Variants in PTPRD observed in about 807,000 individuals in gnomAD.
The protein encoded by PTPRD is receptor-type tyrosine-protein phosphatase delta.
PTPRD carries 34 observed loss-of-function variants against 214.5 expected under a neutral mutation model. That is an observed-to-expected ratio of 0.16 (90% CI 0.12 to 0.21). The LOEUF (loss-of-function observed/expected upper bound fraction) is 0.21. PTPRD is among the 10% of genes least tolerant of loss of function. PTPRD has a pLI of 1.00. For missense variants in PTPRD, 2,545 were observed against 2,398.7 expected (o/e 1.06, Z -1.27); for synonymous variants, 1,128 against 845.7 (o/e 1.33, Z -5.79).
chr9:9,898,275 T>G (rs2075544458), intron 5 of PTPRD, among the ~76,000 whole-genome samples: 1 of 152,086 alleles, frequency 6.6e-6, no homozygotes, highest in African/African-American at 2.4e-5. Context: ...CATTTCATTT[T>G]GGGACTGGAG....
At chr9:9,883,374 A>G (rs1217967881) in intron 5 of PTPRD, among the ~76,000 whole-genome samples, 1 of 152,192 alleles carries the variant, frequency 6.6e-6, no homozygotes, top group Non-Finnish European at 1.5e-5. Flanking sequence ...CTGTAGGGAA[A>G]AGAAAAACAA....
intron 14 of PTPRD, among the ~76,000 whole-genome samples, chr9:8,577,760 C>G (rs545940944): frequency 6.6e-6 from 1 of 152,284 alleles, no homozygotes; most frequent in South Asian, 2.1e-4. Context: ...AGAGCAGCAG[C>G]CTCTGCATCA....
At chr9:10,205,697 G>A (rs1169794822) in intron 3 of PTPRD, among the ~76,000 whole-genome samples, 1 of 152,082 alleles carries the variant, frequency 6.6e-6, no homozygotes, top group East Asian at 1.9e-4. Flanking sequence ...GAGCCACCAT[G>A]CCCGGCCTGC....
At chr9:9,637,716 C>T (rs1593774662) in intron 7 of PTPRD, among the ~76,000 whole-genome samples, 2 of 152,184 alleles carry the variant, frequency 1.3e-5, no homozygotes, top group African/African-American at 2.4e-5. Flanking sequence ...TGGAATGGCC[C>T]TGCTCCCATG....
intron 11 of PTPRD, among the ~76,000 whole-genome samples, chr9:8,774,757 C>T (rs2095400421): frequency 6.6e-6 from 1 of 152,024 alleles, no homozygotes; most frequent in South Asian, 2.1e-4. Flanking sequence ...TGGCCTCAAA[C>T]TCCCAACCTC....
intron 6 of PTPRD, among the ~76,000 whole-genome samples, chr9:9,738,510 C>A (rs1463666841): frequency 8.1e-6 from 1 of 123,946 alleles, no homozygotes; most frequent in Non-Finnish European, 1.6e-5. Context: ...TCAGTGCGAT[C>A]TTGGCTCACT....
chr9:10,239,917 A>G lies in PTPRD; in HGVS notation c.-545+101046T>C, dbSNP rs1218556549. ...ACCCTTTTTCCCCAAAGCCAGCTGT[A>G]AAACCTAAAAATATTACTCTAACCT... is the stretch of plus-strand genomic sequence containing the variant. On this transcript the variant is annotated intron_variant, in intron 3 of 45. Coordinates refer to ENST00000381196, the MANE Select transcript of PTPRD (RefSeq NM_002839.4). 2.0e-5 allele frequency among the ~76,000 whole-genome samples: 3 copies of G among 151,764 alleles called. No individual in the cohort carries two copies. The Admixed American group carries it at 2.0e-4, about 10-fold the overall frequency.
chr9:10,573,684 TC>T (rs1303168930), intron 2 of PTPRD, among the ~76,000 whole-genome samples: 1 of 152,114 alleles, frequency 6.6e-6, no homozygotes, highest in African/African-American at 2.4e-5. Flanking sequence ...CTGGACTCTT[TC>T]CTGGCCCCTA....
chr9:10,563,256 G>A (rs1019856787), intron 2 of PTPRD, among the ~76,000 whole-genome samples: 1 of 152,104 alleles, frequency 6.6e-6, no homozygotes, highest in Non-Finnish European at 1.5e-5. Context: ...AAATCCAGCT[G>A]GCAGAAAGGA....
chr9:10,187,130 A>G (rs2099337318), intron 3 of PTPRD, among the ~76,000 whole-genome samples: 1 of 152,190 alleles, frequency 6.6e-6, no homozygotes, highest in South Asian at 2.1e-4. Context: ...CTCTTTTAAA[A>G]ACTTCTTAAT....
intron 8 of PTPRD, among the ~76,000 whole-genome samples, chr9:9,562,723 G>A (rs991443554): frequency 2.6e-5 from 4 of 151,980 alleles, no homozygotes; most frequent in African/African-American, 9.7e-5. Flanking sequence ...TGTTGTTTTG[G>A]ATAATTCAAC....
chr9:8,978,611 T>C (rs541130347), intron 11 of PTPRD, among the ~76,000 whole-genome samples: 1 of 152,246 alleles, frequency 6.6e-6, no homozygotes, highest in South Asian at 2.1e-4. Flanking sequence ...GTTTCGTGGA[T>C]GCAGCATAAG....
chr9:10,088,497 A>G (rs955140672), intron 3 of PTPRD, among the ~76,000 whole-genome samples: 2 of 151,728 alleles, frequency 1.3e-5, no homozygotes, highest in African/African-American at 2.4e-5. Flanking sequence ...ATAAAGATGA[A>G]GAAAGGCAGA....
At chr9:10,421,847 A>G (rs2098548761) in intron 2 of PTPRD, among the ~76,000 whole-genome samples, 2 of 151,728 alleles carry the variant, frequency 1.3e-5, no homozygotes, top group South Asian at 4.2e-4. Flanking sequence ...TGCTTTGGTT[A>G]ATTTTATTCA....
chr9:10,110,332 A>C (rs2098679461), intron 3 of PTPRD, among the ~76,000 whole-genome samples: 1 of 152,190 alleles, frequency 6.6e-6, no homozygotes, highest in South Asian at 2.1e-4. Context: ...TTCTGTAGGA[A>C]GAGAAAACTG....
intron 3 of PTPRD, among the ~76,000 whole-genome samples, chr9:10,129,103 G>C (rs747190717): frequency 2.0e-5 from 3 of 152,132 alleles, no homozygotes; most frequent in East Asian, 3.9e-4. Flanking sequence ...TTCAACTCCT[G>C]ATATGAATTA....
At chr9:9,670,067 A>T (rs570680796) in intron 7 of PTPRD, among the ~76,000 whole-genome samples, 1 of 152,332 alleles carries the variant, frequency 6.6e-6, no homozygotes, top group South Asian at 2.1e-4. Flanking sequence ...AATTGGAGTA[A>T]TATTTGGCAG....
At chr9:9,227,172 A>C (rs2099960024) in intron 9 of PTPRD, among the ~76,000 whole-genome samples, 1 of 152,220 alleles carries the variant, frequency 6.6e-6, no homozygotes, top group African/African-American at 2.4e-5. Flanking sequence ...CCATCCCCGA[A>C]GTACAATCAC....
chr9:9,025,873 A>G (rs1045904644), intron 10 of PTPRD, among the ~76,000 whole-genome samples: 4 of 152,058 alleles, frequency 2.6e-5, no homozygotes, highest in Admixed American at 2.6e-4. Flanking sequence ...TTACCTCATC[A>G]TTTATTTATT....
Sources: gnomAD v4.1 joint callset for allele counts (sites outside exome capture counted in the v4.1 genomes callset) on GRCh38, gnomAD v4.1.1 for gene constraint, MANE v1.5 for transcripts, NCBI Gene and HGNC (gene_info 2026-07-23, HGNC 2026-07-21) for gene names.